Variants in SCYL2 observed in about 807,000 individuals in gnomAD.
SCYL2 encodes SCY1-like protein 2.
In SCYL2, 36 loss-of-function variants were observed where a neutral mutation model predicts 100.4. The ratio of observed to expected loss-of-function variants is 0.36; its 90% CI spans 0.27 to 0.47. SCYL2 has a LOEUF of 0.47. SCYL2 is among the 20% of genes least tolerant of loss of function. The pLI is 1.00. For missense variants in SCYL2, 902 were observed against 1,083.9 expected, an observed-to-expected ratio of 0.83 and a Z score of 2.36; for synonymous variants, 330 against 359.2, an observed-to-expected ratio of 0.92 and a Z score of 0.92.
intron 17 of SCYL2, among the ~76,000 whole-genome samples, chr12:100,338,241 A>G (rs904589462): frequency 2.0e-5 from 3 of 152,214 alleles, no homozygotes; most frequent in Non-Finnish European, 4.4e-5. Context: ...TTTGTAATAT[A>G]GAATAAGAAG....
In SCYL2 at chr12:100,337,505, A is replaced by C; in HGVS notation, c.2144A>C (p.Gln715Pro). 1 of 1,613,516 alleles carries C rather than the reference A, an allele frequency of 6.2e-7. No homozygotes were observed. ...QVHTPVATVK[Q>P]TKDLTDTLMD... ...CACACACCTGTTGCTACTGTTAAACAGGTCAGAGTTCATTTCTTTTGTGTA... is the reference window on the plus strand; with the variant it reads ...CACACACCTGTTGCTACTGTTAAACCGGTCAGAGTTCATTTCTTTTGTGTA... The change falls in exon 17 of 18, where the codon CAG becomes CCG. Residue 715 changes from glutamine to proline, a missense_variant and splice_region_variant. By Grantham distance (76) the Gln-to-Pro change is moderately conservative. Transcript: ENST00000360820.
At chr12:100,295,077 C>T (rs867081894) in intron 3 of SCYL2, among the ~76,000 whole-genome samples, 112 of 148,794 alleles carry the variant, frequency 7.5e-4, no homozygotes, top group South Asian at 7.0e-3. Flanking sequence ...GGGGCAGAGG[C>T]GCTCCCCACA....
rs1168443319 is a variant in SCYL2 at position 100,267,565 on chromosome 12, G to GATC, written c.-256_-255insATC. 2 of 152,644 alleles carry GATC rather than the reference G, an allele frequency of 1.3e-5. No individual in the cohort carries two copies. The highest frequency in any genetic ancestry group is 1.5e-5 in the Non-Finnish European group (1 of 68,348). The allele number at this position is 152,644 out of a possible 1,614,324, so 9.5% of individuals were successfully genotyped here. A position where few individuals can be genotyped will look rare whatever the true frequency, so the allele number is the denominator to read the frequency against. The stretch of plus-strand genomic sequence containing the variant: ...GTGACGGGCCTGCCGGCGGCCGGCC[G>GATC]GGCGATCGGCGGTCGGCGCCCGCGC... On this transcript the variant is annotated 5_prime_UTR_variant, in exon 1 of 18. Coordinates refer to ENST00000360820, the MANE Select transcript of SCYL2 (RefSeq NM_017988.6).
intron 12 of SCYL2, among the ~76,000 whole-genome samples, chr12:100,327,525 T>C (rs529970182): frequency 6.6e-6 from 1 of 152,204 alleles, no homozygotes; most frequent in African/African-American, 2.4e-5. Context: ...CTAATTTTTT[T>C]TTTTTTTGAG....
chr12:100,329,829 T>C (rs928804804), intron 13 of SCYL2, among the ~76,000 whole-genome samples: 1 of 152,214 alleles, frequency 6.6e-6, no homozygotes, highest in Non-Finnish European at 1.5e-5. Context: ...TACGTGGTTG[T>C]TGGCAAGATT....
At chr12:100,307,184 A>G (rs12814149) in intron 4 of SCYL2, among the ~76,000 whole-genome samples, 1 of 152,232 alleles carries the variant, frequency 6.6e-6, no homozygotes, top group Non-Finnish European at 1.5e-5. Flanking sequence ...CTGTATAGCC[A>G]AGACAAACCT....
At chr12:100,276,178 C>A (rs929054504) in intron 1 of SCYL2, among the ~76,000 whole-genome samples, 2 of 152,124 alleles carry the variant, frequency 1.3e-5, no homozygotes, top group African/African-American at 4.8e-5. Flanking sequence ...ATCCTCCCCT[C>A]TTCTATTTTC....
chr12:100,290,104 T>C (rs1377584747), intron 2 of SCYL2, among the ~76,000 whole-genome samples: 1 of 152,236 alleles, frequency 6.6e-6, no homozygotes, highest in East Asian at 1.9e-4. Context: ...CTTTTTATAT[T>C]ACTGTGTCAC....
intron 3 of SCYL2, among the ~76,000 whole-genome samples, chr12:100,297,117 A>C (rs1385752666): frequency 6.6e-6 from 1 of 152,224 alleles, no homozygotes; most frequent in Non-Finnish European, 1.5e-5. Context: ...CTAAAGCCCA[A>C]GGCCTAAAGT....
chr12:100,315,799 C>T, intron 9 of SCYL2, 65 bp downstream of exon 9: 1 of 1,326,216 alleles, frequency 7.5e-7, no homozygotes, highest in Non-Finnish European at 1.0e-6. Flanking sequence ...TCACTGAAAA[C>T]AAAAGGAATG....
chr12:100,281,019 G>GTTTTGTTTGT (rs2096297553), intron 1 of SCYL2, among the ~76,000 whole-genome samples: 1 of 50,466 alleles, frequency 2.0e-5, no homozygotes, highest in African/African-American at 6.9e-5. Flanking sequence ...TACCATCAGT[G>GTTTTGTTTGT]TTTTTTTTTT....
intron 3 of SCYL2, among the ~76,000 whole-genome samples, chr12:100,295,197 G>C (rs1226964785): frequency 6.8e-6 from 1 of 147,932 alleles, no homozygotes; most frequent in Non-Finnish European, 1.5e-5. Flanking sequence ...GGACGGAGAC[G>C]CTCCTCACTT....
intron 9 of SCYL2, 28 bp downstream of exon 9, chr12:100,315,762 ATCTAC>A: frequency 6.5e-7 from 1 of 1,535,044 alleles, no homozygotes; most frequent in Non-Finnish European, 8.8e-7. Context: ...TTGTGTATTT[ATCTAC>A]TGTTATTTAT....
intron 10 of SCYL2, among the ~76,000 whole-genome samples, chr12:100,322,098 C>T (rs2096356528): frequency 1.3e-5 from 2 of 149,552 alleles, no homozygotes; most frequent in African/African-American, 4.9e-5. Context: ...AAGGGCCGGG[C>T]GCGGTGGCTC....
intron 5 of SCYL2, among the ~76,000 whole-genome samples, chr12:100,312,067 A>G (rs1250135709): frequency 2.0e-5 from 3 of 152,182 alleles, no homozygotes; most frequent in Admixed American, 6.5e-5. Context: ...TGAACTTTTT[A>G]ACTAAATCAC....
chr12:100,324,955 G>A (rs570154992), intron 11 of SCYL2, among the ~76,000 whole-genome samples: 18 of 152,262 alleles, frequency 1.2e-4, no homozygotes, highest in Non-Finnish European at 2.1e-4. Flanking sequence ...TGTAGGCCGG[G>A]CATGGTGGCT....
chr12:100,281,221 G>T (rs1430912143), intron 1 of SCYL2, among the ~76,000 whole-genome samples: 7 of 151,700 alleles, frequency 4.6e-5, no homozygotes, highest in Non-Finnish European at 7.4e-5. Context: ...TAGGGACAGG[G>T]TTTCTCCATG....
intron 10 of SCYL2, 61 bp downstream of exon 10, chr12:100,317,986 G>A (rs1314763386): frequency 2.8e-6 from 4 of 1,453,046 alleles, no homozygotes; most frequent in Non-Finnish European, 3.7e-6. Flanking sequence ...AGAAGAAGAG[G>A]TATAAAGTAC....
intron 2 of SCYL2, among the ~76,000 whole-genome samples, chr12:100,284,996 ACT>A (rs998020479): frequency 3.9e-5 from 6 of 152,116 alleles, no homozygotes; most frequent in African/African-American, 1.2e-4. Flanking sequence ...ATGTAGGGAG[ACT>A]CTGTCTAAAA....
Sources: allele counts gnomAD v4.1 joint callset (sites outside exome capture counted in the v4.1 genomes callset), GRCh38; gene constraint gnomAD v4.1.1; transcripts MANE v1.5; gene names NCBI Gene and HGNC (gene_info 2026-07-23, HGNC 2026-07-21).